MTA3: variants seen among roughly 807,000 people sequenced by gnomAD.
The protein encoded by MTA3 is metastasis associated 1 family member 3, also known as metastasis-associated protein MTA3.
Under a neutral mutation model 83.5 loss-of-function variants are expected in MTA3, and 34 were observed. The ratio of observed to expected loss-of-function variants is 0.41; its 90% confidence interval spans 0.31 to 0.54. The LOEUF (loss-of-function observed/expected upper bound fraction) is 0.54, where lower values mean the gene tolerates loss of function less well. MTA3 is among the 20% of genes least tolerant of loss of function. The pLI, the probability that MTA3 is intolerant of heterozygous loss-of-function variation, is 0.33. For missense variants in MTA3, 761 were observed against 726.4 expected (o/e 1.05, Z -0.55); for synonymous variants, 303 against 252.7 (o/e 1.20, Z -1.89).
At chr2:42,505,175 C>T (rs1192361954) in intron 2 of MTA3, among the ~76,000 whole-genome samples, 2 of 151,984 alleles carry the variant, frequency 1.3e-5, no homozygotes, top group Admixed American at 6.6e-5. Flanking sequence ...GGGTGGATCA[C>T]GAGGTCAGGA....
intron 3 of MTA3, among the ~76,000 whole-genome samples, chr2:42,590,889 CTG>C (rs1680910543): frequency 6.6e-6 from 1 of 152,080 alleles, no homozygotes; most frequent in Admixed American, 6.6e-5. Context: ...TTTTTTAAAA[CTG>C]TGTTCCAGTT....
intron 10 of MTA3, among the ~76,000 whole-genome samples, chr2:42,697,505 C>T (rs1406902706): frequency 6.6e-6 from 1 of 152,082 alleles, no homozygotes; most frequent in African/African-American, 2.4e-5. Context: ...TTTATTCAGT[C>T]ATAGAGGAAT....
chr2:42,750,735 G>A (rs1669811764), intron 16 of MTA3, among the ~76,000 whole-genome samples: 1 of 152,204 alleles, frequency 6.6e-6, no homozygotes, highest in Non-Finnish European at 1.5e-5. Flanking sequence ...TGTTATAATT[G>A]TAGCCTTGTC....
chr2:42,732,578 C>A (rs922856263), intron 16 of MTA3, among the ~76,000 whole-genome samples: 2 of 152,204 alleles, frequency 1.3e-5, no homozygotes, highest in Admixed American at 6.5e-5. Context: ...TCCCCATGGT[C>A]TTGGGGATTA....
chr2:42,640,362 TA>T (rs1687597054), intron 5 of MTA3, 126 bp downstream of exon 5: 4 of 689,594 alleles, frequency 5.8e-6, no homozygotes, highest in African/African-American at 1.8e-5. Context: ...AGTATTATAG[TA>T]AAAGTATAGT....
chr2:42,576,616 C>T (rs1217988918), intron 2 of MTA3, among the ~76,000 whole-genome samples: 1 of 151,638 alleles, frequency 6.6e-6, no homozygotes, highest in African/African-American at 2.4e-5. Flanking sequence ...AAAACCAAAA[C>T]AAGGCCAGAT....
chr2:42,689,724 G>A (rs1692700583), intron 9 of MTA3, among the ~76,000 whole-genome samples: 1 of 149,078 alleles, frequency 6.7e-6, no homozygotes, highest in Non-Finnish European at 1.5e-5. Flanking sequence ...CTGTAGCATG[G>A]ATCTGTATTT....
intron 3 of MTA3, among the ~76,000 whole-genome samples, chr2:42,581,330 G>T (rs1025503381): frequency 1.3e-5 from 2 of 150,050 alleles, no homozygotes; most frequent in African/African-American, 2.5e-5. Flanking sequence ...CGGATTACAG[G>T]TGTGAGTCAC....
chr2:42,664,535 G>A (rs763890039), intron 8 of MTA3, among the ~76,000 whole-genome samples: 2 of 131,434 alleles, frequency 1.5e-5, no homozygotes, highest in African/African-American at 2.9e-5. Context: ...GTGCAGTGGC[G>A]TGATCTTGGC....
chr2:42,630,760 T>C (rs894256976), intron 4 of MTA3, among the ~76,000 whole-genome samples: 6 of 152,192 alleles, frequency 3.9e-5, no homozygotes, highest in African/African-American at 1.4e-4. Flanking sequence ...TGCAAAATTA[T>C]ACCAAGTAAA....
chr2:42,718,814 A>G (rs1667212999), intron 14 of MTA3, among the ~76,000 whole-genome samples, 174 bp from the exon 15 acceptor site: 1 of 152,200 alleles, frequency 6.6e-6, no homozygotes, highest in Non-Finnish European at 1.5e-5. Context: ...AATCCCATTT[A>G]GAAATTGGGA....
intron 4 of MTA3, among the ~76,000 whole-genome samples, chr2:42,618,482 C>G (rs1685172798): frequency 6.6e-6 from 1 of 152,096 alleles, no homozygotes; most frequent in Non-Finnish European, 1.5e-5. Context: ...TGTGTATTTT[C>G]TGGTCATAAA....
intron 16 of MTA3, among the ~76,000 whole-genome samples, chr2:42,730,132 A>G (rs769945396): frequency 2.0e-5 from 3 of 152,130 alleles, no homozygotes; most frequent in African/African-American, 7.2e-5. Context: ...TGGAGTCTTT[A>G]GGTTTTTCCA....
intron 16 of MTA3, among the ~76,000 whole-genome samples, chr2:42,726,118 C>T (rs1339560488): frequency 6.6e-6 from 1 of 152,150 alleles, no homozygotes; most frequent in Non-Finnish European, 1.5e-5. Context: ...CATGGGAAAG[C>T]CTTGTTCTGT....
At chr2:42,662,996 C>T (rs1343425404) in intron 8 of MTA3, among the ~76,000 whole-genome samples, 1 of 151,544 alleles carries the variant, frequency 6.6e-6, no homozygotes, top group Non-Finnish European at 1.5e-5. Flanking sequence ...CCCAGAGTTG[C>T]TGGGATTACA....
chr2:42,549,814 G>C (rs1323689562), intron 2 of MTA3, among the ~76,000 whole-genome samples: 1 of 147,974 alleles, frequency 6.8e-6, no homozygotes. Context: ...GAAATCTTGG[G>C]CCACCCAACT....
intron 11 of MTA3, chr2:42,702,282 T>G (rs1468846410): frequency 6.6e-6 from 1 of 152,216 alleles, no homozygotes; most frequent in Non-Finnish European, 1.5e-5. Context: ...TGACACAGGT[T>G]AGAAGTGTAA....
chr2:42,619,483 G>T (rs1024119332), intron 4 of MTA3, among the ~76,000 whole-genome samples: 1 of 152,078 alleles, frequency 6.6e-6, no homozygotes, highest in Non-Finnish European at 1.5e-5. Context: ...TGAATCTAAA[G>T]AAAGATCTGT....
chr2:42,536,934 A>G (rs1045511486), intron 2 of MTA3, among the ~76,000 whole-genome samples: 4 of 151,692 alleles, frequency 2.6e-5, no homozygotes, highest in African/African-American at 9.7e-5. Flanking sequence ...GGTATCCCGG[A>G]TCACCTGGGT....
Sources: gnomAD v4.1 joint callset for allele counts (sites outside exome capture counted in the v4.1 genomes callset) on GRCh38, gnomAD v4.1.1 for gene constraint, MANE v1.5 for transcripts, NCBI Gene and HGNC (gene_info 2026-07-23, HGNC 2026-07-21) for gene names.